Variants in MIR2052HG observed in about 807,000 individuals in gnomAD.
MIR2052HG encodes MIR2052 host gene.
intron 2 of MIR2052HG, among the ~76,000 whole-genome samples, chr8:74,624,143 G>T (rs1808404147): frequency 1.3e-5 from 2 of 152,228 alleles, no homozygotes; most frequent in African/African-American, 4.8e-5. Flanking sequence ...GGAGATTTTG[G>T]TCCAACTGAT....
intron 2 of MIR2052HG, among the ~76,000 whole-genome samples, chr8:74,696,765 C>A (rs535388350): frequency 6.6e-6 from 1 of 151,302 alleles, no homozygotes; most frequent in Admixed American, 6.6e-5. Context: ...CTAGATTAAA[C>A]CAGGAAGAAA....
chr8:74,648,334 G>A (rs1808715322), intron 2 of MIR2052HG, among the ~76,000 whole-genome samples: 1 of 152,104 alleles, frequency 6.6e-6, no homozygotes, highest in Non-Finnish European at 1.5e-5. Flanking sequence ...ACTAGGGTTG[G>A]GAAATTCCAG....
chr8:74,628,788 G>C (rs924408790), intron 2 of MIR2052HG: 1 of 152,164 alleles, frequency 6.6e-6, no homozygotes, highest in African/African-American at 2.4e-5. Flanking sequence ...CAATGAAATT[G>C]TGTAAGTCTG....
intron 2 of MIR2052HG, among the ~76,000 whole-genome samples, chr8:74,614,189 T>C (rs1014799767): frequency 9.2e-5 from 14 of 152,224 alleles, no homozygotes; most frequent in African/African-American, 3.4e-4. Flanking sequence ...TTGAATATTA[T>C]TGAATCCTTT....
intron 2 of MIR2052HG, among the ~76,000 whole-genome samples, chr8:74,679,520 A>G (rs1809095716): frequency 8.5e-6 from 1 of 117,654 alleles, no homozygotes. Flanking sequence ...TGGCTTGTTT[A>G]CTATTATTAT....
chr8:74,660,328 AG>A (rs1424844757), intron 2 of MIR2052HG, among the ~76,000 whole-genome samples: 1 of 152,220 alleles, frequency 6.6e-6, no homozygotes, highest in East Asian at 1.9e-4. Context: ...AATTCCTGAA[AG>A]AAGACTCTGG....
At chr8:74,718,448 G>A (rs1178503071) in intron 4 of MIR2052HG, among the ~76,000 whole-genome samples, 1 of 152,122 alleles carries the variant, frequency 6.6e-6, no homozygotes, top group African/African-American at 2.4e-5. Context: ...TATGGTTTGA[G>A]ATGGCTCACC....
intron 2 of MIR2052HG, among the ~76,000 whole-genome samples, chr8:74,618,989 A>G (rs1808323593): frequency 6.6e-6 from 1 of 152,232 alleles, no homozygotes; most frequent in African/African-American, 2.4e-5. Context: ...TAACATTTTT[A>G]TATGTTAACA....
chr8:74,713,325 C>T (rs894368783), intron 4 of MIR2052HG, among the ~76,000 whole-genome samples: 1 of 152,138 alleles, frequency 6.6e-6, no homozygotes, highest in Non-Finnish European at 1.5e-5. Context: ...CACTCTTATC[C>T]AAGTCTAAGC....
At chr8:74,731,197 A>T (rs1586925953) in intron 4 of MIR2052HG, among the ~76,000 whole-genome samples, 1 of 152,154 alleles carries the variant, frequency 6.6e-6, no homozygotes, top group South Asian at 2.1e-4. Flanking sequence ...AAACAATATG[A>T]CTTCCACTTC....
rs796157641 is a variant in MIR2052HG at position 74,681,056 on chromosome 8, A to G, written n.217-21323A>G. 6.0e-3 allele frequency among the ~76,000 whole-genome samples: 643 copies of G among 106,838 alleles called. 4 individuals are homozygous for G. Among genetic ancestry groups the G allele is most frequent in the African/African-American group, 0.019 (503 of 27,058 alleles). 70.1% of individuals were successfully genotyped at this position (106,838 alleles called of 152,430 possible). On this transcript the variant is annotated intron_variant and non_coding_transcript_variant, in intron 2 of 6. Coordinates refer to ENST00000523442, the Ensembl canonical transcript of MIR2052HG. The stretch of plus-strand genomic sequence containing the variant: ...GGAAGGGGAACATCACACTCTGGGG[A>G]CTGTTGTGGGGTGGGGGGAGGGGGG...
intron 1 of MIR2052HG, among the ~76,000 whole-genome samples, chr8:74,602,817 G>GTTTCTTTCTTTCTTTCTTTCTTTCCTTC (rs1808024466): frequency 2.7e-5 from 2 of 73,786 alleles, no homozygotes; most frequent in Non-Finnish European, 5.1e-5. Flanking sequence ...GCCCGGCCGT[G>GTTTCTTTCTTTCTTTCTTTCTTTCCTTC]TTTCTTTCTT....
intron 2 of MIR2052HG, among the ~76,000 whole-genome samples, chr8:74,699,290 G>A (rs531754338): frequency 6.6e-5 from 10 of 152,112 alleles, no homozygotes; most frequent in African/African-American, 1.9e-4. Flanking sequence ...GTCATCATAC[G>A]AAAAAGATAC....
chr8:74,634,365 A>G (rs151071124), intron 2 of MIR2052HG, among the ~76,000 whole-genome samples: 3 of 152,322 alleles, frequency 2.0e-5, no homozygotes, highest in African/African-American at 2.4e-5. Flanking sequence ...ATGCCCAAAT[A>G]GTCGGGCCAA....
intron 2 of MIR2052HG, among the ~76,000 whole-genome samples, chr8:74,690,280 T>G (rs1809225793): frequency 6.6e-6 from 1 of 152,190 alleles, no homozygotes; most frequent in African/African-American, 2.4e-5. Flanking sequence ...TTTTCAGAGA[T>G]AGTTTTCTGA....
intron 2 of MIR2052HG, among the ~76,000 whole-genome samples, chr8:74,663,786 T>G (rs1472475067): frequency 6.6e-6 from 1 of 152,164 alleles, no homozygotes; most frequent in Non-Finnish European, 1.5e-5. Flanking sequence ...TACCTCTGAG[T>G]GTTAATCTTG....
At chr8:74,661,247 G>A (rs1440350059) in intron 2 of MIR2052HG, among the ~76,000 whole-genome samples, 1 of 150,954 alleles carries the variant, frequency 6.6e-6, no homozygotes, top group East Asian at 1.9e-4. Context: ...TGTTGCCCAG[G>A]CTGGTGTGCT....
At chr8:74,696,052 A>G (rs1363464814) in intron 2 of MIR2052HG, among the ~76,000 whole-genome samples, 5 of 152,166 alleles carry the variant, frequency 3.3e-5, no homozygotes, top group African/African-American at 1.2e-4. Context: ...AACATTCTCC[A>G]AGATAAACCA....
chr8:74,742,771 T>C (rs1809843886), intron 4 of MIR2052HG, among the ~76,000 whole-genome samples: 2 of 152,290 alleles, frequency 1.3e-5, no homozygotes, highest in South Asian at 2.1e-4. Flanking sequence ...CTGTGGTTCT[T>C]TCAATTTTAT....
Sources: gnomAD v4.1 joint callset for allele counts (sites outside exome capture counted in the v4.1 genomes callset) on GRCh38, gnomAD v4.1.1 for gene constraint, MANE v1.5 for transcripts, NCBI Gene and HGNC (gene_info 2026-07-23, HGNC 2026-07-21) for gene names.